Variants in NUP37 observed in about 807,000 individuals in gnomAD.
NUP37 encodes the protein nucleoporin 37.
Under a neutral mutation model 45.4 loss-of-function variants are expected in NUP37, and 33 were observed. The ratio of observed to expected loss-of-function variants is 0.73; its 90% confidence interval spans 0.55 to 0.97. NUP37 has a LOEUF of 0.97. Ranked by LOEUF, NUP37 falls within the 50% of genes least tolerant of loss-of-function variation. NUP37 has a pLI of 0.00. For synonymous variants in NUP37, 127 were observed against 130.7 expected, an observed-to-expected ratio of 0.97 and a Z score of 0.19; for missense variants, 365 against 389.7, an observed-to-expected ratio of 0.94 and a Z score of 0.53.
At chr12:102,111,631 A>AT (rs1213998890) in intron 3 of NUP37, among the ~76,000 whole-genome samples, 2 of 152,130 alleles carry the variant, frequency 1.3e-5, no homozygotes, top group African/African-American at 4.8e-5. Context: ...CATTGCTAGG[A>AT]TTTTTTTCTC....
At position 102,096,814 on chromosome 12, in the gene NUP37, C is replaced by G. The variant is rs959323735; in HGVS notation, c.449+2292G>C. Reference sequence around the variant, plus strand: ...TTTTAAACTTGTTTTTATATACGTTCTGTTTTTAAAAAAATCTTACCTATA... The same window carrying G: ...TTTTAAACTTGTTTTTATATACGTTGTGTTTTTAAAAAAATCTTACCTATA... On this transcript the variant is annotated intron_variant, in intron 5 of 9. Transcript: ENST00000552283. Among the ~76,000 whole-genome samples the G allele has an allele frequency of 3.9e-5, 6 of 152,130 alleles. No individual in the cohort carries two copies. In the East Asian group the frequency reaches 1.2e-3, roughly 29 times the overall value.
intron 3 of NUP37, among the ~76,000 whole-genome samples, chr12:102,107,929 G>C (rs986463037): frequency 1.3e-5 from 2 of 152,098 alleles, no homozygotes; most frequent in Admixed American, 6.6e-5. Context: ...ATTGGAGAGG[G>C]GCACACTGGC....
chr12:102,089,208 C>T (rs1368678983), intron 5 of NUP37, among the ~76,000 whole-genome samples: 8 of 152,134 alleles, frequency 5.3e-5, no homozygotes, highest in African/African-American at 7.2e-5. Context: ...GGCCCGTTCT[C>T]GATGGTCGCT....
At chr12:102,081,556 T>G (rs1022459629) in intron 6 of NUP37, among the ~76,000 whole-genome samples, 1 of 152,244 alleles carries the variant, frequency 6.6e-6, no homozygotes, top group African/African-American at 2.4e-5. Flanking sequence ...CTTGAACTTT[T>G]GGTGCTTTGG....
At chr12:102,113,738 T>G (rs766201160) in intron 2 of NUP37, among the ~76,000 whole-genome samples, 5 of 152,216 alleles carry the variant, frequency 3.3e-5, no homozygotes, top group Non-Finnish European at 7.3e-5. Flanking sequence ...TGAAACTTGA[T>G]ATTTAATGAA....
chr12:102,100,119 G>A (rs1879929672), intron 4 of NUP37, among the ~76,000 whole-genome samples: 2 of 152,142 alleles, frequency 1.3e-5, no homozygotes, highest in African/African-American at 2.4e-5. Flanking sequence ...TGTTTAATGT[G>A]TATTATAACT....
rs148918792 is a variant in NUP37, at chr12:102,092,398, T to C, written c.450-6542A>G. On this transcript the variant is annotated intron_variant, in intron 5 of 9. Coordinates refer to ENST00000552283, the MANE Select transcript of NUP37 (RefSeq NM_024057.4). ...ACAAAGTAATACAGAGATGTAGTTA[T>C]AAGGATTAGCAGGCACTTTACAATG... 7.2e-3 allele frequency among the ~76,000 whole-genome samples: 1,103 copies of C among 152,292 alleles called. 8 individuals carry two copies. The highest frequency in any genetic ancestry group is 0.014 in the Middle Eastern group (4 of 294).
At chr12:102,081,418 T>C (rs1263013454) in intron 6 of NUP37, among the ~76,000 whole-genome samples, 3 of 152,200 alleles carry the variant, frequency 2.0e-5, no homozygotes, top group Admixed American at 2.0e-4. Flanking sequence ...TTTAGGAATT[T>C]TCAGAAGTAT....
At chr12:102,114,978 T>G (rs1171925913) in intron 2 of NUP37, among the ~76,000 whole-genome samples, 1 of 152,146 alleles carries the variant, frequency 6.6e-6, no homozygotes, top group Non-Finnish European at 1.5e-5. Context: ...TATCTGGCCA[T>G]AGCTGATCTC....
Position 102,112,341 on chromosome 12 carries a change from G to A in NUP37, c.157-109C>T, listed in dbSNP as rs542927049. On this transcript the variant is annotated intron_variant, in intron 2 of 9. Transcript: ENST00000552283. ...GAGGTTATGCTTATGCTTTTGAAAA[G>A]TTCAAAAGCAAATTACATATTAAGA... 4 of 842,980 alleles carry A rather than the reference G, an allele frequency of 4.7e-6. No homozygotes were observed. In the African/African-American group the frequency reaches 7.0e-5, roughly 15 times the overall value. The allele number at this position is 842,980 out of a possible 1,614,324, so 52.2% of individuals were successfully genotyped here. A position where few individuals can be genotyped will look rare whatever the true frequency, so the allele number is the denominator to read the frequency against.
At chr12:102,076,129 G>T (rs1344468363) in intron 8 of NUP37, among the ~76,000 whole-genome samples, 2 of 152,004 alleles carry the variant, frequency 1.3e-5, no homozygotes, top group African/African-American at 4.8e-5. Context: ...CTTGCTCATT[G>T]GTGTATATTT....
At chr12:102,109,983 GT>G (rs1880264482) in intron 3 of NUP37, among the ~76,000 whole-genome samples, 1 of 152,300 alleles carries the variant, frequency 6.6e-6, no homozygotes, top group Admixed American at 6.5e-5. Flanking sequence ...CACACCAGCT[GT>G]TGGCAATGAC....
In NUP37 at chr12:102,100,255, A is replaced by T. The variant is rs1372078331; in HGVS notation, c.354+777T>A. Among the ~76,000 whole-genome samples the T allele has an allele frequency of 2.0e-5, 3 of 152,272 alleles. No homozygotes were observed. In the East Asian group the frequency reaches 5.8e-4, roughly 29 times the overall value. ...CCCACTGTAAATAGCTTACAGCATAATTTTTACTATTTTCTAAATGATTGG... is the reference window on the plus strand; with the variant it reads ...CCCACTGTAAATAGCTTACAGCATATTTTTTACTATTTTCTAAATGATTGG... On this transcript the variant is annotated intron_variant, in intron 4 of 9. Coordinates refer to ENST00000552283, the MANE Select transcript of NUP37 (RefSeq NM_024057.4).
Position 102,073,747 on chromosome 12 carries a change from C to A in NUP37, c.*607G>T, listed in dbSNP as rs557764819. 6.6e-6 allele frequency: 1 copy of A among 152,104 alleles called. No homozygotes were observed. The highest frequency in any genetic ancestry group is 1.5e-5 in the Non-Finnish European group (1 of 68,034). The allele number at this position is 152,104 out of a possible 1,614,324, so 9.4% of individuals were successfully genotyped here. ...TCGCCCAGGCTGCAGTGAAGTGGCA[C>A]GATCTTGGCTCACTGTAACCTCTGC... On this transcript the variant is annotated 3_prime_UTR_variant, in exon 10 of 10. Transcript: ENST00000552283.
At chr12:102,095,705 T>C (rs1879784077) in intron 5 of NUP37, among the ~76,000 whole-genome samples, 1 of 152,144 alleles carries the variant, frequency 6.6e-6, no homozygotes. Context: ...ATTATCTTAC[T>C]TTTTCAACTT....
At chr12:102,116,996 C>T (rs11111169) in intron 2 of NUP37, among the ~76,000 whole-genome samples, 24,274 of 151,956 alleles carry the variant, frequency 0.16, 2,038 homozygotes, top group Middle Eastern at 0.21. Flanking sequence ...AGCGAGACTC[C>T]GTCTCAAAAC....
At chr12:102,076,300 T>A (rs1879164875) in intron 8 of NUP37, among the ~76,000 whole-genome samples, 1 of 152,186 alleles carries the variant, frequency 6.6e-6, no homozygotes, top group Non-Finnish European at 1.5e-5. Context: ...TTATTTGGTT[T>A]TGCTGTTACT....
chr12:102,099,737 C>T (rs552450550), intron 4 of NUP37, among the ~76,000 whole-genome samples: 10 of 152,228 alleles, frequency 6.6e-5, no homozygotes, highest in Non-Finnish European at 1.2e-4. Flanking sequence ...ATCACCAACA[C>T]AAAAAATCTC....
In NUP37 at chr12:102,077,342, AATT is replaced by A; in HGVS notation, c.699_701del (p.Leu233_Ile234delinsPhe). 6.2e-7 allele frequency: 1 copy of A among 1,614,088 alleles called. No individual in the cohort carries two copies. Among genetic ancestry groups the A allele is most frequent in the Non-Finnish European group, 8.5e-7 (1 of 1,179,998 alleles). On this transcript the variant is annotated inframe_deletion, in exon 7 of 10. Coordinates refer to ENST00000552283, the MANE Select transcript of NUP37 (RefSeq NM_024057.4). ...AGTACCTGGACCGAGTAATATCCCA[AATT>A]AACCAATCATTTCCTGCAACGGCTC...
Sources: allele counts gnomAD v4.1 joint callset (sites outside exome capture counted in the v4.1 genomes callset), GRCh38; gene constraint gnomAD v4.1.1; transcripts MANE v1.5; gene names NCBI Gene and HGNC (gene_info 2026-07-23, HGNC 2026-07-21).